Variants in PLAA observed in about 807,000 individuals in gnomAD.
PLAA encodes the protein phospholipase A-2-activating protein.
In PLAA, 48 loss-of-function variants were observed where a neutral mutation model predicts 84.1. The observed-to-expected ratio is 0.57, with a 90% CI of 0.45 to 0.73. The LOEUF (loss-of-function observed/expected upper bound fraction) is 0.73. Among genes scored for constraint, PLAA ranks in the 30% least tolerant of loss-of-function variants. PLAA has a pLI of 0.00. For synonymous variants in PLAA, 392 were observed against 336.6 expected, an observed-to-expected ratio of 1.16 and a Z score of -1.80; for missense variants, 903 against 954.7, an observed-to-expected ratio of 0.95 and a Z score of 0.71.
At chr9:26,932,110 CAA>C (rs1825204705) in intron 2 of PLAA, among the ~76,000 whole-genome samples, 1 of 152,040 alleles carries the variant, frequency 6.6e-6, no homozygotes, top group Non-Finnish European at 1.5e-5. Context: ...ACAAAACAAA[CAA>C]ACAAACAAAA....
At chr9:26,946,778 G>A (rs1433228165) in intron 1 of PLAA, 119 bp downstream of exon 1, 7 of 1,139,374 alleles carry the variant, frequency 6.1e-6, no homozygotes, top group East Asian at 2.7e-5. Context: ...AGGGAGCGGA[G>A]AGCAGAGGGA....
chr9:26,910,165 T>A (rs1824356362), intron 12 of PLAA, among the ~76,000 whole-genome samples, 173 bp downstream of exon 12: 1 of 152,232 alleles, frequency 6.6e-6, no homozygotes, highest in Admixed American at 6.5e-5. Flanking sequence ...GAAAGTATTA[T>A]GGATCCTTTA....
At chr9:26,906,206 G>A in intron 13 of PLAA, 130 bp from the exon 14 acceptor site, 1 of 544,144 alleles carries the variant, frequency 1.8e-6, no homozygotes, top group Non-Finnish European at 3.0e-6. Flanking sequence ...TCATGTGTCT[G>A]CTTTAAAAAA....
At chr9:26,933,249 A>T (rs1825242538) in intron 2 of PLAA, among the ~76,000 whole-genome samples, 2 of 150,230 alleles carry the variant, frequency 1.3e-5, no homozygotes, top group South Asian at 4.2e-4. Context: ...GCCTGGTGAA[A>T]GAGCAAGACT....
chr9:26,907,179 G>A (rs1281659676), intron 13 of PLAA, among the ~76,000 whole-genome samples: 2 of 151,742 alleles, frequency 1.3e-5, no homozygotes, highest in Non-Finnish European at 2.9e-5. Flanking sequence ...GTAGCCTAGG[G>A]TTAACAGGTC....
In PLAA at chr9:26,935,230, G is replaced by A. The variant is rs375222017; in HGVS notation, c.150-24C>T. 4.1e-6 allele frequency: 6 copies of A among 1,469,066 alleles called. 1 individual carries two copies. The highest frequency in any genetic ancestry group is 2.8e-5 in the South Asian group (2 of 71,548). The allele number at this position is 1,469,066 out of a possible 1,614,324, so 91.0% of individuals were successfully genotyped here. A position where few individuals can be genotyped will look rare whatever the true frequency, so the allele number is the denominator to read the frequency against. ...GACTGGAAAGACAAGATAATTAATA[G>A]ATACATATTCGTACCCTGACTTAGC... On this transcript the variant is annotated intron_variant, in intron 1 of 13. Coordinates refer to ENST00000397292, the MANE Select transcript of PLAA (RefSeq NM_001031689.3).
intron 7 of PLAA, among the ~76,000 whole-genome samples, chr9:26,922,783 C>T (rs971817600): frequency 6.6e-6 from 1 of 151,984 alleles, no homozygotes; most frequent in African/African-American, 2.4e-5. Context: ...CCTCCCACCT[C>T]AGCCTCCTGA....
At chr9:26,942,182 T>G (rs557115709) in intron 1 of PLAA, among the ~76,000 whole-genome samples, 1 of 152,302 alleles carries the variant, frequency 6.6e-6, no homozygotes, top group African/African-American at 2.4e-5. Context: ...TGCACTACAT[T>G]TCAGGAAGCT....
At chr9:26,934,359 T>C (rs1563917957) in intron 2 of PLAA, among the ~76,000 whole-genome samples, 2 of 152,194 alleles carry the variant, frequency 1.3e-5, no homozygotes, top group Non-Finnish European at 2.9e-5. Context: ...GCTCTGGGTC[T>C]TCAATTAAAT....
rs1185897441 is a variant in PLAA at position 26,947,147 on chromosome 9, G to C, written c.-102C>G. 1 of 1,330,346 alleles carries C rather than the reference G, an allele frequency of 7.5e-7. No homozygotes were observed. Among genetic ancestry groups the C allele is most frequent in the Non-Finnish European group, 9.8e-7 (1 of 1,019,916 alleles). The allele number at this position is 1,330,346 out of a possible 1,614,324, so 82.4% of individuals were successfully genotyped here. ...GCCGCGGCGGGAGAAGAGCCTGCAG[G>C]TAAGGGGCGGCCGGAGACCGGAAGA... On this transcript the variant is annotated 5_prime_UTR_variant, in exon 1 of 14. Coordinates refer to ENST00000397292, the MANE Select transcript of PLAA (RefSeq NM_001031689.3).
chr9:26,942,479 G>C (rs141501181), intron 1 of PLAA, among the ~76,000 whole-genome samples: 1 of 152,322 alleles, frequency 6.6e-6, no homozygotes, highest in East Asian at 1.9e-4. Flanking sequence ...TAAATACATA[G>C]TAAGCTAAGC....
chr9:26,946,791 G>T, intron 1 of PLAA, 106 bp downstream of exon 1: 1 of 1,285,280 alleles, frequency 7.8e-7, no homozygotes, highest in Non-Finnish European at 1.0e-6. Context: ...CAGAGGGAAG[G>T]CTGGGGGGAG....
In PLAA at chr9:26,910,443, T is replaced by C; in HGVS notation, c.1556-4A>G. 6.3e-7 allele frequency: 1 copy of C among 1,595,178 alleles called. No individual in the cohort carries two copies. Among genetic ancestry groups the C allele is most frequent in the Non-Finnish European group, 8.6e-7 (1 of 1,163,502 alleles). On this transcript the variant is annotated splice_polypyrimidine_tract_variant and splice_region_variant and intron_variant, in intron 11 of 13. Coordinates refer to ENST00000397292, the MANE Select transcript of PLAA (RefSeq NM_001031689.3). ...GCTGATCGGTAGGCACTATTCCCTA[T>C]TTAAAGAATAGAAGATGATGATAAT...
chr9:26,918,185 C>T (rs1219291125), intron 9 of PLAA, among the ~76,000 whole-genome samples: 1 of 151,806 alleles, frequency 6.6e-6, no homozygotes, highest in African/African-American at 2.4e-5. Context: ...GATCTTGGCT[C>T]GCTGCCACCT....
chr9:26,920,150 T>G lies in PLAA; in HGVS notation c.1197+77A>C, dbSNP rs1053519515. ...AAATGTCAAAACAAAGGAAATTTTA[T>G]CACTATGGGGCAAAGGAAACCTTTA... On this transcript the variant is annotated intron_variant, in intron 8 of 13. Transcript: ENST00000397292. 2.6e-5 allele frequency: 31 copies of G among 1,177,304 alleles called. No homozygotes were observed. In the African/African-American group the frequency reaches 4.4e-4, roughly 17 times the overall value. The allele number at this position is 1,177,304 out of a possible 1,614,324, so 72.9% of individuals were successfully genotyped here.
chr9:26,907,566 AAAC>A (rs1046168070), intron 13 of PLAA: 9 of 356,576 alleles, frequency 2.5e-5, no homozygotes, highest in Non-Finnish European at 3.0e-5. Flanking sequence ...CAAAACAAAA[AAAC>A]AAAGAAAACA....
intron 1 of PLAA, among the ~76,000 whole-genome samples, chr9:26,942,225 A>C (rs1011801165): frequency 2.0e-5 from 3 of 152,230 alleles, no homozygotes; most frequent in African/African-American, 7.2e-5. Flanking sequence ...GGCAACAAGG[A>C]AGAAAACCAA....
At chr9:26,942,738 C>T (rs953967716) in intron 1 of PLAA, among the ~76,000 whole-genome samples, 1 of 151,950 alleles carries the variant, frequency 6.6e-6, no homozygotes, top group Non-Finnish European at 1.5e-5. Flanking sequence ...AAAAATTAGC[C>T]GGGCGCCGTG....
intron 6 of PLAA, among the ~76,000 whole-genome samples, chr9:26,924,118 T>C (rs1178623203): frequency 6.6e-6 from 1 of 152,080 alleles, no homozygotes; most frequent in Non-Finnish European, 1.5e-5. Context: ...CCCTTATAGC[T>C]GTCACCTTCT....
Sources: gnomAD v4.1 joint callset for allele counts (sites outside exome capture counted in the v4.1 genomes callset) on GRCh38, gnomAD v4.1.1 for gene constraint, MANE v1.5 for transcripts, NCBI Gene and HGNC (gene_info 2026-07-23, HGNC 2026-07-21) for gene names.